Variants in SOX5 observed in about 807,000 individuals in gnomAD.
SOX5 encodes transcription factor SOX-5.
A neutral mutation model predicts 92.0 loss-of-function variants in SOX5; 9 were observed. The observed-to-expected ratio is 0.10, with a 90% CI of 0.06 to 0.17. SOX5 has a LOEUF of 0.17. SOX5 is among the 10% of genes least tolerant of loss of function. The probability of loss-of-function intolerance (pLI) is 1.00; values close to 1 mark genes in which losing one functional copy is unlikely to be tolerated. For synonymous variants in SOX5, 344 were observed against 336.3 expected (o/e 1.02, Z -0.25); for missense variants, 642 against 944.5 (o/e 0.68, Z 4.20).
chr12:24,244,560 G>A (rs543971399), intron 3 of SOX5, among the ~76,000 whole-genome samples: 14 of 152,306 alleles, frequency 9.2e-5, no homozygotes, highest in African/African-American at 2.6e-4. Context: ...CTCAGTTTCC[G>A]GTTTCCCTCT....
At chr12:24,174,008 T>TG (rs1357900914) in intron 4 of SOX5, among the ~76,000 whole-genome samples, 1 of 151,806 alleles carries the variant, frequency 6.6e-6, no homozygotes, top group Non-Finnish European at 1.5e-5. Flanking sequence ...TTTTTTTGTT[T>TG]TTTTTTTCTG....
intron 2 of SOX5, among the ~76,000 whole-genome samples, chr12:24,280,402 T>C (rs1306653954): frequency 6.6e-6 from 1 of 152,234 alleles, no homozygotes; most frequent in Non-Finnish European, 1.5e-5. Context: ...GGTCTCTGTT[T>C]CATCATCTTG....
intron 7 of SOX5, among the ~76,000 whole-genome samples, chr12:23,661,573 T>G (rs76803452): frequency 0.014 from 2,115 of 152,330 alleles, 48 homozygotes; most frequent in African/African-American, 0.047. Flanking sequence ...TGCTCTAGGA[T>G]GAGCAAAAGC....
At position 23,817,365 on chromosome 12, in the gene SOX5, T is replaced by C. The variant is rs530627070; in HGVS notation, c.481+28618A>G. Among the ~76,000 whole-genome samples the C allele has an allele frequency of 9.2e-5, 14 of 152,328 alleles. No homozygotes were observed. The East Asian group carries it at 1.9e-3, about 21-fold the overall frequency. On this transcript the variant is annotated intron_variant, in intron 3 of 14. Transcript: ENST00000451604. ...AAAGTAAGTGATGGTTAAAGATGGATAGAGGAAAATCATACATTATATGTC... is the reference window on the plus strand; with the variant it reads ...AAAGTAAGTGATGGTTAAAGATGGACAGAGGAAAATCATACATTATATGTC...
chr12:24,412,784 T>TC (rs950379467), intron 1 of SOX5, among the ~76,000 whole-genome samples: 2 of 139,638 alleles, frequency 1.4e-5, no homozygotes, highest in African/African-American at 5.0e-5. Context: ...GATTTTCTTT[T>TC]TTTTTTTTTT....
intron 9 of SOX5, among the ~76,000 whole-genome samples, chr12:23,602,247 TACTC>T (rs1222199803): frequency 1.3e-5 from 2 of 152,320 alleles, no homozygotes; most frequent in African/African-American, 4.8e-5. Flanking sequence ...ACTACTGAAA[TACTC>T]ATTCTCTTTT....
intron 1 of SOX5, among the ~76,000 whole-genome samples, chr12:24,380,551 A>G (rs933369646): frequency 1.3e-5 from 2 of 152,252 alleles, no homozygotes; most frequent in African/African-American, 4.8e-5. Flanking sequence ...AAGTTTTGTG[A>G]TATTTTAAAA....
intron 3 of SOX5, among the ~76,000 whole-genome samples, chr12:24,235,934 A>G (rs1163562395): frequency 6.6e-6 from 1 of 152,198 alleles, no homozygotes; most frequent in Non-Finnish European, 1.5e-5. Context: ...TCACGCCTGT[A>G]ATCCCAGCAC....
intron 6 of SOX5, among the ~76,000 whole-genome samples, chr12:23,731,259 C>T (rs1421571417): frequency 2.0e-5 from 3 of 152,294 alleles, no homozygotes; most frequent in East Asian, 3.9e-4. Flanking sequence ...GAGAACCATG[C>T]CGCCAGCCTC....
intron 4 of SOX5, among the ~76,000 whole-genome samples, chr12:24,196,340 T>C (rs4463926): frequency 0.21 from 32,551 of 152,150 alleles, 5,095 homozygotes; most frequent in African/African-American, 0.45. Context: ...ACAGTAACAA[T>C]GTACAAAAAG....
chr12:24,414,753 C>T (rs969408538), intron 1 of SOX5, among the ~76,000 whole-genome samples: 2 of 152,180 alleles, frequency 1.3e-5, no homozygotes, highest in African/African-American at 4.8e-5. Flanking sequence ...ACAGAACTAC[C>T]GCATTCTTAG....
At chr12:23,634,022 G>C (rs1461872370) in intron 8 of SOX5, among the ~76,000 whole-genome samples, 1 of 151,946 alleles carries the variant, frequency 6.6e-6, no homozygotes, top group African/African-American at 2.4e-5. Context: ...TCTTCCAATG[G>C]GGGCAAGAAA....
intron 2 of SOX5, among the ~76,000 whole-genome samples, chr12:24,326,318 T>C (rs910871692): frequency 1.7e-4 from 26 of 152,114 alleles, no homozygotes; most frequent in African/African-American, 6.3e-4. Flanking sequence ...CAATCTAGGA[T>C]GCAATTTGGA....
At chr12:23,798,397 G>A (rs1019730875) in intron 3 of SOX5, among the ~76,000 whole-genome samples, 2 of 151,896 alleles carry the variant, frequency 1.3e-5, no homozygotes, top group African/African-American at 4.8e-5. Context: ...TACTCTTTTA[G>A]TAGTTTTAGA....
intron 2 of SOX5, among the ~76,000 whole-genome samples, chr12:23,879,786 G>A (rs1195255679): frequency 6.6e-6 from 1 of 152,180 alleles, no homozygotes; most frequent in African/African-American, 2.4e-5. Context: ...TCTGGACCTT[G>A]AATCCAGGGC....
intron 1 of SOX5, among the ~76,000 whole-genome samples, chr12:23,914,934 C>A (rs1037025457): frequency 6.6e-6 from 1 of 151,938 alleles, no homozygotes; most frequent in Non-Finnish European, 1.5e-5. Flanking sequence ...GAGCCAAAAC[C>A]AATATTACTC....
At chr12:24,128,207 T>C (rs1034222370) in intron 4 of SOX5, among the ~76,000 whole-genome samples, 5 of 152,226 alleles carry the variant, frequency 3.3e-5, no homozygotes, top group Non-Finnish European at 7.3e-5. Flanking sequence ...TATTTAAAAA[T>C]AGCTTATCAA....
chr12:24,126,574 T>C (rs1949124125), intron 4 of SOX5, among the ~76,000 whole-genome samples: 1 of 152,210 alleles, frequency 6.6e-6, no homozygotes. Flanking sequence ...ACCACCTCCA[T>C]TCTATTCAGC....
upstream of SOX5, among the ~76,000 whole-genome samples, chr12:23,955,217 T>C (rs1569249388): frequency 6.6e-6 from 1 of 152,112 alleles, no homozygotes; most frequent in Non-Finnish European, 1.5e-5. Flanking sequence ...GCTTCATAAG[T>C]ATGTTTCTAT....
Sources: allele counts gnomAD v4.1 joint callset (sites outside exome capture counted in the v4.1 genomes callset), GRCh38; gene constraint gnomAD v4.1.1; transcripts MANE v1.5; gene names NCBI Gene and HGNC (gene_info 2026-07-23, HGNC 2026-07-21).